GINM1: variants seen among roughly 807,000 people sequenced by gnomAD.
The protein encoded by GINM1 is glycosylated integral membrane protein 1.
Under a neutral mutation model 37.8 loss-of-function variants are expected in GINM1, and 29 were observed. The ratio of observed to expected loss-of-function variants is 0.77; its 90% CI spans 0.57 to 1.05. The LOEUF (loss-of-function observed/expected upper bound fraction) is 1.05, where lower values mean the gene tolerates loss of function less well. Ranked by LOEUF, GINM1 falls within the 50% of genes least tolerant of loss-of-function variation. The pLI, the probability that GINM1 is intolerant of heterozygous loss-of-function variation, is 0.00. For missense variants in GINM1, 377 were observed against 397.9 expected (o/e 0.95, Z 0.45); for synonymous variants, 143 against 146.2 (o/e 0.98, Z 0.16).
At chr6:149,577,620 A>T (rs1272714411) in intron 3 of GINM1, 1 of 152,186 alleles carries the variant, frequency 6.6e-6, no homozygotes, top group Non-Finnish European at 1.5e-5. Context: ...TATATCTTGT[A>T]ATAGTAAGTA....
At chr6:149,575,296 G>A (rs1256860996) in intron 3 of GINM1, among the ~76,000 whole-genome samples, 7 of 152,208 alleles carry the variant, frequency 4.6e-5, no homozygotes, top group African/African-American at 1.7e-4. Flanking sequence ...TTTGTTAGCA[G>A]TGAATGGTCT....
At chr6:149,572,820 C>A (rs1022044775) in intron 3 of GINM1, among the ~76,000 whole-genome samples, 1 of 152,126 alleles carries the variant, frequency 6.6e-6, no homozygotes, top group South Asian at 2.1e-4. Flanking sequence ...TGCCACCATA[C>A]CCGGCTAACT....
intron 1 of GINM1, among the ~76,000 whole-genome samples, chr6:149,569,328 G>T (rs565070733): frequency 1.3e-4 from 19 of 140,940 alleles, no homozygotes; most frequent in Non-Finnish European, 2.3e-4. Context: ...GAGCCACTGC[G>T]CCCGGTCACT....
Position 149,591,066 on chromosome 6 carries a change from G to A in GINM1, c.*228G>A, listed in dbSNP as rs773490740. ...TCCCAGGACTTTGGGAGGCCAATGC[G>A]GGCGGATCACGAGGTCAGATCAAGA... On this transcript the variant is annotated 3_prime_UTR_variant, in exon 8 of 8. Coordinates refer to ENST00000367419, the MANE Select transcript of GINM1 (RefSeq NM_138785.5). 3.7e-5 allele frequency: 15 copies of A among 407,712 alleles called. No individual in the cohort carries two copies. In the East Asian group the frequency reaches 6.7e-4, roughly 18 times the overall value. The allele number at this position is 407,712 out of a possible 1,614,324, so 25.3% of individuals were successfully genotyped here.
chr6:149,573,616 C>T (rs1016758549), intron 3 of GINM1, among the ~76,000 whole-genome samples: 2 of 152,140 alleles, frequency 1.3e-5, no homozygotes, highest in Non-Finnish European at 2.9e-5. Context: ...CATGGCGGCT[C>T]TAGCACTTTG....
chr6:149,569,628 A>G (rs927817393), intron 1 of GINM1, among the ~76,000 whole-genome samples: 3 of 152,140 alleles, frequency 2.0e-5, no homozygotes, highest in Non-Finnish European at 2.9e-5. Flanking sequence ...ATGAGCCACC[A>G]TGCCCGACCG....
Position 149,590,871 on chromosome 6 carries a change from C to A in GINM1, c.*33C>A. On this transcript the variant is annotated 3_prime_UTR_variant, in exon 8 of 8. Coordinates refer to ENST00000367419, the MANE Select transcript of GINM1 (RefSeq NM_138785.5). ...TCTCATATCATGGACTCCGAAGTAG[C>A]CTGTTGCCTCCAAATTTGCCACTTG... The A allele has an allele frequency of 1.0e-6, 1 of 973,790 alleles. No homozygotes were observed. The highest frequency in any genetic ancestry group is 1.6e-6 in the Non-Finnish European group (1 of 617,584). The allele number at this position is 973,790 out of a possible 1,614,324, so 60.3% of individuals were successfully genotyped here.
chr6:149,569,644 TAA>T (rs1329733558), intron 1 of GINM1, among the ~76,000 whole-genome samples: 4 of 152,046 alleles, frequency 2.6e-5, no homozygotes, highest in African/African-American at 9.7e-5. Context: ...GACCGAAAAA[TAA>T]AAGTCTTTAT....
intron 1 of GINM1, among the ~76,000 whole-genome samples, chr6:149,567,565 C>T (rs570320708): frequency 3.3e-5 from 5 of 152,068 alleles, no homozygotes; most frequent in African/African-American, 1.2e-4. Context: ...TGCTTGAACC[C>T]GGGAGGCAGA....
At chr6:149,576,841 A>G (rs550269043) in intron 3 of GINM1, among the ~76,000 whole-genome samples, 1 of 152,244 alleles carries the variant, frequency 6.6e-6, no homozygotes, top group Non-Finnish European at 1.5e-5. Flanking sequence ...TCACATTGCT[A>G]TAAAGAAATA....
At chr6:149,588,156 T>C (rs897053567) in intron 7 of GINM1, among the ~76,000 whole-genome samples, 1 of 152,236 alleles carries the variant, frequency 6.6e-6, no homozygotes, top group African/African-American at 2.4e-5. Flanking sequence ...AAAAGTAAAA[T>C]TACTGTGTCA....
intron 7 of GINM1, 38 bp downstream of exon 7, chr6:149,582,641 A>T: frequency 7.2e-7 from 1 of 1,384,336 alleles, no homozygotes; most frequent in Non-Finnish European, 9.8e-7. Context: ...AGTATTTTTA[A>T]TGATTAAAAA....
chr6:149,571,312 CA>C (rs112300927), intron 1 of GINM1, among the ~76,000 whole-genome samples: 10,923 of 72,998 alleles, frequency 0.15, 1,255 homozygotes, highest in African/African-American at 0.36. Context: ...GACTCCCTCT[CA>C]AAAAAAAAAA....
In GINM1 at chr6:149,572,524, C is replaced by T. The variant is rs1458697315; in HGVS notation, c.198C>T (p.Thr66=). 6.3e-7 allele frequency: 1 copy of T among 1,593,008 alleles called. No individual in the cohort carries two copies. Among genetic ancestry groups the T allele is most frequent in the Non-Finnish European group, 8.6e-7 (1 of 1,165,306 alleles). The change falls in exon 3 of 8, where the codon ACC becomes ACT. Residue 66 remains threonine (T), a synonymous_variant. Transcript: ENST00000367419. The part of the protein sequence containing the change: ...ISKQQVVLNI[T]YESGQVYVND... The stretch of plus-strand genomic sequence containing the variant: ...ATTTTAAGGTTGTTCTTAACATAAC[C>T]TATGAGAGTGGACAGGTGTATGTAA...
chr6:149,566,582 G>T lies in GINM1; in HGVS notation c.120+48G>T. On this transcript the variant is annotated intron_variant, in intron 1 of 7. Transcript: ENST00000367419. The surrounding 1 kb of genome is among the most constrained non-coding windows in gnomAD (Gnocchi z 4.4). ...GGCCGCTTTACGACTCCGACTCTCC[G>T]GGAGGCCCGGGCTGTCCACAGTGAC... 6.9e-7 allele frequency: 1 copy of T among 1,446,506 alleles called. No homozygotes were observed. The highest frequency in any genetic ancestry group is 9.1e-7 in the Non-Finnish European group (1 of 1,100,598). The allele number at this position is 1,446,506 out of a possible 1,614,324, so 89.6% of individuals were successfully genotyped here.
At chr6:149,578,578 T>C (rs1450254255) in intron 3 of GINM1, among the ~76,000 whole-genome samples, 1 of 151,818 alleles carries the variant, frequency 6.6e-6, no homozygotes, top group Admixed American at 6.6e-5. Flanking sequence ...GTGTGGTATT[T>C]CATACAAAGT....
At chr6:149,571,312 C>CAA (rs112300927) in intron 1 of GINM1, among the ~76,000 whole-genome samples, 9 of 73,026 alleles carry the variant, frequency 1.2e-4, no homozygotes, top group South Asian at 5.1e-4. Flanking sequence ...GACTCCCTCT[C>CAA]AAAAAAAAAA....
chr6:149,567,779 C>T (rs1000178859), intron 1 of GINM1, among the ~76,000 whole-genome samples: 1 of 152,170 alleles, frequency 6.6e-6, no homozygotes, highest in Non-Finnish European at 1.5e-5. Flanking sequence ...TAAGAACCAC[C>T]TATATCTGAA....
At chr6:149,585,126 T>G (rs1778049893) in intron 7 of GINM1, among the ~76,000 whole-genome samples, 1 of 152,234 alleles carries the variant, frequency 6.6e-6, no homozygotes, top group Admixed American at 6.5e-5. Flanking sequence ...AACTTTATTA[T>G]GTATACCTGC....
Sources: allele counts gnomAD v4.1 joint callset (sites outside exome capture counted in the v4.1 genomes callset), GRCh38; gene constraint gnomAD v4.1.1; non-coding constraint Gnocchi (gnomAD v3.1); transcripts MANE v1.5; gene names NCBI Gene and HGNC (gene_info 2026-07-23, HGNC 2026-07-21).